CDH4: variants seen among roughly 807,000 people sequenced by gnomAD.
CDH4 encodes cadherin 4, also known as cadherin-4.
In CDH4, 33 loss-of-function variants were observed where a neutral mutation model predicts 86.0. The observed-to-expected ratio is 0.38, with a 90% CI of 0.29 to 0.51. The LOEUF (loss-of-function observed/expected upper bound fraction) is 0.51, where lower values mean the gene tolerates loss of function less well. Ranked by LOEUF, CDH4 falls within the 20% of genes least tolerant of loss-of-function variation. The pLI is 0.86. For synonymous variants in CDH4, 555 were observed against 549.4 expected, an observed-to-expected ratio of 1.01 and a Z score of -0.14; for missense variants, 1,114 against 1,307.4, an observed-to-expected ratio of 0.85 and a Z score of 2.28.
At chr20:61,652,262 C>G (rs1007383925) in intron 2 of CDH4, among the ~76,000 whole-genome samples, 1 of 152,222 alleles carries the variant, frequency 6.6e-6, no homozygotes, top group Non-Finnish European at 1.5e-5. Context: ...CACCTTCGAA[C>G]AGTTCCTTCC....
At chr20:61,780,409 G>C (rs1164851951) in intron 4 of CDH4, among the ~76,000 whole-genome samples, 1 of 152,194 alleles carries the variant, frequency 6.6e-6, no homozygotes, top group African/African-American at 2.4e-5. Context: ...CTGTGGCAGA[G>C]TTTTTGACAC....
At chr20:61,630,177 G>A (rs563965483) in intron 2 of CDH4, among the ~76,000 whole-genome samples, 11 of 152,318 alleles carry the variant, frequency 7.2e-5, no homozygotes, top group Non-Finnish European at 1.3e-4. Context: ...ACCATCCCCA[G>A]CCAGCCCAGT....
intron 4 of CDH4, among the ~76,000 whole-genome samples, chr20:61,833,826 G>T (rs1380446123): frequency 1.3e-5 from 2 of 152,176 alleles, no homozygotes; most frequent in African/African-American, 2.4e-5. Context: ...CTGCAGGCTG[G>T]ATTTAAAAAA....
At chr20:61,866,987 G>A (rs1182075345) in intron 6 of CDH4, among the ~76,000 whole-genome samples, 2 of 152,242 alleles carry the variant, frequency 1.3e-5, no homozygotes, top group African/African-American at 2.4e-5. Context: ...TCCCGGGAAG[G>A]AGATGATGCC....
intron 2 of CDH4, among the ~76,000 whole-genome samples, chr20:61,531,634 G>T (rs761948756): frequency 9.9e-5 from 15 of 152,180 alleles, no homozygotes; most frequent in Non-Finnish European, 1.8e-4. Flanking sequence ...TTTCTGGATG[G>T]CATTCACGGA....
At chr20:61,924,241 C>A (rs946044811) in intron 10 of CDH4, 93 bp from the exon 11 acceptor site, 2 of 1,301,508 alleles carry the variant, frequency 1.5e-6, no homozygotes, top group Admixed American at 3.8e-5. Flanking sequence ...GGCCCAGGCC[C>A]AGGCCCTGGA....
intron 2 of CDH4, among the ~76,000 whole-genome samples, chr20:61,353,695 C>CTCTT: frequency 1.6e-5 from 1 of 60,706 alleles, no homozygotes; most frequent in African/African-American, 6.8e-5. Flanking sequence ...CCTCCTCCTC[C>CTCTT]CCTCCTCCTC....
intron 2 of CDH4, among the ~76,000 whole-genome samples, chr20:61,435,462 C>A (rs551082249): frequency 6.6e-6 from 1 of 150,526 alleles, no homozygotes; most frequent in Non-Finnish European, 1.5e-5. Context: ...TGGTCCAGCC[C>A]GGCTGCAGGG....
At chr20:61,374,133 G>T (rs929200457) in intron 2 of CDH4, among the ~76,000 whole-genome samples, 1 of 152,184 alleles carries the variant, frequency 6.6e-6, no homozygotes, top group South Asian at 2.1e-4. Flanking sequence ...CTGAGCTTGG[G>T]GCTTGTAGGT....
At chr20:61,773,363 G>T (rs1204635387) in intron 4 of CDH4, among the ~76,000 whole-genome samples, 181 bp downstream of exon 4, 1 of 152,228 alleles carries the variant, frequency 6.6e-6, no homozygotes, top group Non-Finnish European at 1.5e-5. Flanking sequence ...GGGAAGCTGC[G>T]TCCTCCGCGG....
chr20:61,670,911 G>A (rs112034045), intron 2 of CDH4, among the ~76,000 whole-genome samples: 20 of 152,096 alleles, frequency 1.3e-4, no homozygotes, highest in Non-Finnish European at 2.5e-4. Context: ...CAAAAGGAAG[G>A]GCCCCTAGGA....
At chr20:61,437,824 T>G (rs994013563) in intron 2 of CDH4, among the ~76,000 whole-genome samples, 1 of 152,192 alleles carries the variant, frequency 6.6e-6, no homozygotes, top group South Asian at 2.1e-4. Context: ...GAAAATTCCA[T>G]GGGGCCTCCA....
chr20:61,509,926 AAAG>A (rs1445359521), intron 2 of CDH4, among the ~76,000 whole-genome samples: 4 of 152,130 alleles, frequency 2.6e-5, no homozygotes, highest in African/African-American at 2.4e-5. Context: ...TAGGGGTAAA[AAAG>A]GGAAAGAGAG....
chr20:61,831,607 A>G (rs530232676), intron 4 of CDH4, among the ~76,000 whole-genome samples: 2 of 152,276 alleles, frequency 1.3e-5, no homozygotes, highest in South Asian at 4.1e-4. Flanking sequence ...GTCCTCATCA[A>G]ACTTTGATGC....
At position 61,590,879 on chromosome 20, in the gene CDH4, G is replaced by GGT. The variant is rs1568700965; in HGVS notation, c.170-152683_170-152682insTG. ...AGCCTTGTCTTCCCTAAATCTATGG[G>GGT]GGGGGGGGTCCCCGGGTCTCCAGGC... On this transcript the variant is annotated intron_variant, in intron 2 of 15. Transcript: ENST00000614565. Among the ~76,000 whole-genome samples the GGT allele has an allele frequency of 5.9e-5, 8 of 135,890 alleles. No individual in the cohort carries two copies. In the South Asian group the frequency reaches 6.4e-4, roughly 11 times the overall value. 89.1% of individuals were successfully genotyped at this position (135,890 alleles called of 152,430 possible). A position where few individuals can be genotyped will look rare whatever the true frequency, so the allele number is the denominator to read the frequency against.
intron 2 of CDH4, among the ~76,000 whole-genome samples, chr20:61,373,674 T>C (rs1403718778): frequency 6.6e-6 from 1 of 152,164 alleles, no homozygotes; most frequent in East Asian, 1.9e-4. Context: ...CCAGGTGACC[T>C]TGGGCTGATT....
chr20:61,609,407 C>T (rs11906705), intron 2 of CDH4, among the ~76,000 whole-genome samples: 6,042 of 152,266 alleles, frequency 0.04, 376 homozygotes, highest in African/African-American at 0.13. Flanking sequence ...GGCCTCTGTC[C>T]AGGGCTGCCT....
intron 2 of CDH4, among the ~76,000 whole-genome samples, chr20:61,328,091 G>A (rs2084546174): frequency 6.6e-6 from 1 of 152,182 alleles, no homozygotes; most frequent in Admixed American, 6.5e-5. Context: ...CTAGGGAGCA[G>A]GTTAGAGGAT....
At chr20:61,512,356 C>T (rs1198555512) in intron 2 of CDH4, among the ~76,000 whole-genome samples, 7 of 152,182 alleles carry the variant, frequency 4.6e-5, no homozygotes, top group African/African-American at 1.7e-4. Context: ...GGGATTGTCC[C>T]GCATGGAAAA....
Sources: allele counts gnomAD v4.1 joint callset (sites outside exome capture counted in the v4.1 genomes callset), GRCh38; gene constraint gnomAD v4.1.1; transcripts MANE v1.5; gene names NCBI Gene and HGNC (gene_info 2026-07-23, HGNC 2026-07-21).